SH3D19: variants seen among roughly 807,000 people sequenced by gnomAD.
SH3D19 encodes the protein SH3 domain-containing protein 19.
Under a neutral mutation model 112.1 loss-of-function variants are expected in SH3D19, and 58 were observed. That is an observed-to-expected ratio of 0.52 (90% CI 0.42 to 0.64). The LOEUF is 0.64. SH3D19 is among the 30% of genes least tolerant of loss of function. The pLI is 0.00. For missense variants in SH3D19, 1,090 were observed against 1,263.4 expected (o/e 0.86, Z 2.08); for synonymous variants, 391 against 448.5 (o/e 0.87, Z 1.62).
Position 151,284,237 on chromosome 4 carries a change from T to G in SH3D19, c.112+41004A>C, listed in dbSNP as rs78280409. On this transcript the variant is annotated intron_variant, in intron 1 of 19. Transcript: ENST00000604030. ...TTGTTAAGTTATACCTTTTGGTATT[T>G]TCACACAAGTCCATTTTATTTTTAT... Among the ~76,000 whole-genome samples, 238 of 152,376 alleles carry G rather than the reference T, an allele frequency of 1.6e-3. 1 individual carries two copies. Among genetic ancestry groups the G allele is most frequent in the African/African-American group, 5.4e-3 (225 of 41,596 alleles).
At chr4:151,138,330 A>T (rs1752265798) in intron 13 of SH3D19, among the ~76,000 whole-genome samples, 1 of 152,216 alleles carries the variant, frequency 6.6e-6, no homozygotes, top group South Asian at 2.1e-4. Context: ...AGTGGATAAA[A>T]AGAGATTGTA....
intron 2 of SH3D19, among the ~76,000 whole-genome samples, chr4:151,220,983 A>G (rs139074644): frequency 2.0e-5 from 3 of 152,368 alleles, no homozygotes; most frequent in African/African-American, 2.4e-5. Context: ...TCACATGTGT[A>G]TCAATCAATC....
chr4:151,126,824 G>T (rs935883668), intron 19 of SH3D19, among the ~76,000 whole-genome samples: 2 of 94,344 alleles, frequency 2.1e-5, no homozygotes, highest in Non-Finnish European at 4.3e-5. Flanking sequence ...AAAAAGAAAA[G>T]AAAATATCTA....
chr4:151,129,742 T>A (rs1750218379), intron 17 of SH3D19, among the ~76,000 whole-genome samples: 1 of 152,202 alleles, frequency 6.6e-6, no homozygotes, highest in Admixed American at 6.5e-5. Context: ...TTCGTGACAC[T>A]GGGCAAGACG....
In SH3D19 at chr4:151,175,501, T is replaced by G. The variant is rs1457118128; in HGVS notation, c.703A>C (p.Arg235=). The G allele has an allele frequency of 2.1e-6, 3 of 1,425,186 alleles. No individual in the cohort carries two copies. The highest frequency in any genetic ancestry group is 2.9e-5 in the African/African-American group (2 of 69,384). 88.3% of individuals were successfully genotyped at this position (1,425,186 alleles called of 1,614,324 possible). A position where few individuals can be genotyped will look rare whatever the true frequency, so the allele number is the denominator to read the frequency against. ...VPKPRSKSNL[R]PIPRDSHIKE... ...ATGTGAGAATCTCTGGGTATTGGTC[T>G]GAGGTTGCTTTTTGATCTTGGTTTT... The change falls in exon 7 of 20, where the codon AGA becomes CGA. Residue 235 remains arginine, a synonymous_variant. Transcript: ENST00000604030.
intron 9 of SH3D19, among the ~76,000 whole-genome samples, chr4:151,152,646 G>C (rs1755273586): frequency 1.3e-5 from 2 of 151,180 alleles, no homozygotes; most frequent in South Asian, 4.2e-4. Flanking sequence ...AGCCTGCCGA[G>C]TAGCTGGGAT....
chr4:151,292,198 C>T (rs928030916), intron 1 of SH3D19, among the ~76,000 whole-genome samples: 1 of 151,872 alleles, frequency 6.6e-6, no homozygotes, highest in Non-Finnish European at 1.5e-5. Context: ...ACTTGGGAAG[C>T]TGTGGTGGAA....
At chr4:151,176,118 C>T (rs1047090746) in intron 6 of SH3D19, among the ~76,000 whole-genome samples, 13 of 152,114 alleles carry the variant, frequency 8.5e-5, no homozygotes, top group South Asian at 2.1e-4. Context: ...GCAATCCACC[C>T]GCCTTAGTCT....
intron 12 of SH3D19, among the ~76,000 whole-genome samples, chr4:151,143,217 GAGACCTTATCTC>G (rs1753323953): frequency 6.7e-6 from 1 of 149,450 alleles, no homozygotes; most frequent in African/African-American, 2.5e-5. Context: ...GCAACAGAGT[GAGACCTTATCTC>G]AAAAAAAAAA....
chr4:151,187,690 A>G (rs1003534903), intron 2 of SH3D19, among the ~76,000 whole-genome samples: 1 of 152,204 alleles, frequency 6.6e-6, no homozygotes, highest in African/African-American at 2.4e-5. Context: ...ATTTTGCCTT[A>G]AAATTGCTTT....
chr4:151,255,601 C>T (rs916271220), intron 1 of SH3D19, among the ~76,000 whole-genome samples: 3 of 150,370 alleles, frequency 2.0e-5, no homozygotes, highest in Admixed American at 6.6e-5. Context: ...CAGGCAGAGA[C>T]GCTCCTCACT....
rs1047343075 is a variant in SH3D19, at chr4:151,161,319, C to T, written c.1643-1967G>A. 2.6e-5 allele frequency among the ~76,000 whole-genome samples: 4 copies of T among 152,056 alleles called. No homozygotes were observed. In the East Asian group the frequency reaches 7.7e-4, roughly 29 times the overall value. On this transcript the variant is annotated intron_variant, in intron 8 of 19. Transcript: ENST00000604030. Reference sequence around the variant, plus strand: ...AGGACATTTGCACCACGAAGCTATCCCCTTTTTCCCTTGACCATTCCAAAT... The same window carrying T: ...AGGACATTTGCACCACGAAGCTATCTCCTTTTTCCCTTGACCATTCCAAAT...
intron 9 of SH3D19, among the ~76,000 whole-genome samples, 192 bp from the exon 10 acceptor site, chr4:151,149,753 C>T (rs372051461): frequency 6.6e-6 from 1 of 152,124 alleles, no homozygotes; most frequent in African/African-American, 2.4e-5. Context: ...GTCCTAATAA[C>T]AAGTGAAAAC....
At chr4:151,171,486 T>C (rs1759047082) in intron 7 of SH3D19, among the ~76,000 whole-genome samples, 1 of 152,198 alleles carries the variant, frequency 6.6e-6, no homozygotes, top group Non-Finnish European at 1.5e-5. Flanking sequence ...GGCATTTTTG[T>C]CTACTTGTAT....
chr4:151,149,307 G>A (rs772079835), intron 10 of SH3D19, among the ~76,000 whole-genome samples, 193 bp downstream of exon 10: 41 of 152,288 alleles, frequency 2.7e-4, no homozygotes, highest in Non-Finnish European at 5.1e-4. Flanking sequence ...GTTGAACTGT[G>A]TTAAAAAGGG....
chr4:151,210,134 G>A (rs917941006), intron 2 of SH3D19, among the ~76,000 whole-genome samples: 4 of 152,072 alleles, frequency 2.6e-5, no homozygotes, highest in African/African-American at 9.7e-5. Context: ...TATATGAAAA[G>A]TCTTAAAATA....
In SH3D19 at chr4:151,179,356, T is replaced by TTCTATC; in HGVS notation, c.229_234dup (p.Asp77_Arg78dup). ...CCTCCATTATAAATATAACCATACC[T>TTCTATC]TCTATCTCGATGAAGTTCACTCTGA... is the stretch of plus-strand genomic sequence containing the variant. On this transcript the variant is annotated inframe_insertion and splice_region_variant, in exon 4 of 20. Coordinates refer to ENST00000604030, the MANE Select transcript of SH3D19 (RefSeq NM_001378122.1). 1 of 1,227,728 alleles carries TTCTATC rather than the reference T, an allele frequency of 8.1e-7. No homozygotes were observed. Among genetic ancestry groups the TTCTATC allele is most frequent in the Non-Finnish European group, 1.0e-6 (1 of 984,182 alleles). 76.1% of individuals were successfully genotyped at this position (1,227,728 alleles called of 1,614,324 possible).
chr4:151,313,992 T>G (rs189109393), intron 1 of SH3D19, among the ~76,000 whole-genome samples: 2 of 152,238 alleles, frequency 1.3e-5, no homozygotes, highest in African/African-American at 4.8e-5. Flanking sequence ...CATTTTCTTC[T>G]GAGCCCTTTG....
chr4:151,282,137 T>C (rs1561427996), intron 1 of SH3D19: 5 of 1,612,404 alleles, frequency 3.1e-6, no homozygotes, highest in East Asian at 2.2e-5. Flanking sequence ...CCTCCTTTCT[T>C]TTCCCCATAG....
Sources: gnomAD v4.1 joint callset for allele counts (sites outside exome capture counted in the v4.1 genomes callset) on GRCh38, gnomAD v4.1.1 for gene constraint, MANE v1.5 for transcripts, NCBI Gene and HGNC (gene_info 2026-07-23, HGNC 2026-07-21) for gene names.